Variants in AMZ1 observed in about 807,000 individuals in gnomAD.
AMZ1 encodes archaelysin family metallopeptidase 1.
AMZ1 carries 39 observed loss-of-function variants against 29.9 expected under a neutral mutation model. The ratio of observed to expected loss-of-function variants is 1.30; its 90% CI spans 1.01 to 1.70. The LOEUF (loss-of-function observed/expected upper bound fraction) is 1.70. AMZ1 is among the 40% of genes most tolerant of loss of function. AMZ1 has a pLI of 0.00. For synonymous variants in AMZ1, 458 were observed against 304.0 expected (o/e 1.51, Z -5.27); for missense variants, 1,041 against 680.6 (o/e 1.53, Z -5.89).
chr7:2,745,351 T>A, intron 4 of AMZ1, among the ~76,000 whole-genome samples: 1 of 151,974 alleles, frequency 6.6e-6, no homozygotes, highest in Non-Finnish European at 1.5e-5. Flanking sequence ...CAGAAGAGAG[T>A]GGGGGCCAAT....
chr7:2,737,289 G>GTTTT (rs11389467), intron 4 of AMZ1, among the ~76,000 whole-genome samples: 193 of 62,232 alleles, frequency 3.1e-3, no homozygotes, highest in Middle Eastern at 0.01. Flanking sequence ...TTTTTTTTTT[G>GTTTT]TTTTTTTTTT....
rs933535469 is a variant in AMZ1, at chr7:2,712,233, A to C, written c.949-97A>C. ...GACTCCCGCCCCTGGGTAACTGAGG[A>C]CGGTGGGGTCCCCTTAGGTAAGGAG... is the stretch of plus-strand genomic sequence containing the variant. On this transcript the variant is annotated intron_variant, in intron 6 of 6. Coordinates refer to ENST00000683327, the MANE Select transcript of AMZ1 (RefSeq NM_001384743.1). The C allele has an allele frequency of 8.3e-6, 11 of 1,321,366 alleles. 1 individual carries two copies. The African/African-American group carries it at 1.6e-4, about 20-fold the overall frequency. 81.9% of individuals were successfully genotyped at this position (1,321,366 alleles called of 1,614,324 possible). A position where few individuals can be genotyped will look rare whatever the true frequency, so the allele number is the denominator to read the frequency against.
chr7:2,704,254 G>A (rs1370095006), intron 3 of AMZ1, among the ~76,000 whole-genome samples: 1 of 152,188 alleles, frequency 6.6e-6, no homozygotes, highest in East Asian at 1.9e-4. Flanking sequence ...TGTAATCCCA[G>A]TACTTTGAGA....
chr7:2,680,402 C>T (rs1228608479), intron 1 of AMZ1, among the ~76,000 whole-genome samples: 1 of 152,128 alleles, frequency 6.6e-6, no homozygotes, highest in African/African-American at 2.4e-5. Context: ...CCCCGGGAGA[C>T]CCCGGATCCT....
At chr7:2,741,219 G>A (rs772142879) in intron 4 of AMZ1, among the ~76,000 whole-genome samples, 8 of 152,238 alleles carry the variant, frequency 5.3e-5, no homozygotes, top group East Asian at 1.9e-4. Flanking sequence ...TAGGTGTGGC[G>A]GCACGCACAC....
chr7:2,726,171 G>A (rs184876474), intron 4 of AMZ1, among the ~76,000 whole-genome samples: 98 of 152,340 alleles, frequency 6.4e-4, no homozygotes, highest in Non-Finnish European at 1.2e-3. Flanking sequence ...TGGAAAGGCT[G>A]CATGTGCGTG....
At chr7:2,729,334 G>A (rs1789767753) in intron 4 of AMZ1, 1 of 152,416 alleles carries the variant, frequency 6.6e-6, no homozygotes, top group Non-Finnish European at 1.5e-5. Flanking sequence ...CCCACCAGGA[G>A]CTCTCTTTCT....
chr7:2,749,337 AATG>A (rs1790913838), intron 4 of AMZ1, among the ~76,000 whole-genome samples: 1 of 152,252 alleles, frequency 6.6e-6, no homozygotes, highest in Admixed American at 6.5e-5. Context: ...AGCCATAAAA[AATG>A]ATGAGTTCTT....
intron 4 of AMZ1, among the ~76,000 whole-genome samples, chr7:2,744,187 C>G (rs1344568740): frequency 2.0e-5 from 3 of 152,224 alleles, no homozygotes; most frequent in Non-Finnish European, 4.4e-5. Context: ...TCTCCCAGCA[C>G]GCAGCTGGAG....
rs868219928 is a variant in AMZ1 at position 2,708,970 on chromosome 7, T to G, written c.602-105T>G. On this transcript the variant is annotated intron_variant, in intron 4 of 6. Coordinates refer to ENST00000683327, the MANE Select transcript of AMZ1 (RefSeq NM_001384743.1). Reference sequence around the variant, plus strand: ...AGGGCCTCCCAGGACTGGTATGTCTTTGGGCCATGGCCAGCTTGCATGAGA... The same window carrying G: ...AGGGCCTCCCAGGACTGGTATGTCTGTGGGCCATGGCCAGCTTGCATGAGA... 37 of 1,397,616 alleles carry G rather than the reference T, an allele frequency of 2.6e-5. No individual in the cohort carries two copies. In the Middle Eastern group the frequency reaches 5.5e-4, roughly 21 times the overall value. The allele number at this position is 1,397,616 out of a possible 1,614,324, so 86.6% of individuals were successfully genotyped here. A position where few individuals can be genotyped will look rare whatever the true frequency, so the allele number is the denominator to read the frequency against.
chr7:2,736,247 G>C (rs982357997), intron 4 of AMZ1, among the ~76,000 whole-genome samples: 1 of 152,210 alleles, frequency 6.6e-6, no homozygotes, highest in African/African-American at 2.4e-5. Flanking sequence ...GACGAGCCCA[G>C]AGTCCTCTCA....
chr7:2,724,797 C>T (rs1450471422), intron 4 of AMZ1, among the ~76,000 whole-genome samples: 4 of 152,194 alleles, frequency 2.6e-5, no homozygotes, highest in East Asian at 1.9e-4. Flanking sequence ...AGCAAATCAC[C>T]GTCAGCCACG....
At chr7:2,757,703 A>T (rs1791369904) in intron 4 of AMZ1, among the ~76,000 whole-genome samples, 1 of 152,178 alleles carries the variant, frequency 6.6e-6, no homozygotes, top group Admixed American at 6.6e-5. Flanking sequence ...AGCAACAAAA[A>T]ACCTTTAGTA....
chr7:2,682,569 G>T (rs1454812626), intron 1 of AMZ1, among the ~76,000 whole-genome samples: 4 of 152,160 alleles, frequency 2.6e-5, no homozygotes, highest in Non-Finnish European at 4.4e-5. Context: ...CAGTGCTGGG[G>T]TCAGGCCCCG....
At chr7:2,729,660 TC>T (rs1789789396) in intron 4 of AMZ1, 1 of 152,248 alleles carries the variant, frequency 6.6e-6, no homozygotes, top group East Asian at 1.9e-4. Flanking sequence ...GGCTCGGGGC[TC>T]GGGGCAGCAC....
chr7:2,700,038 A>G (rs1787958884), intron 1 of AMZ1, among the ~76,000 whole-genome samples, 196 bp from the exon 2 acceptor site: 2 of 150,126 alleles, frequency 1.3e-5, no homozygotes, highest in African/African-American at 4.9e-5. Flanking sequence ...GCTAGAGAAG[A>G]TGAAGTGGTT....
rs368802006 is a variant in AMZ1, at chr7:2,728,235, C to T, written n.550+18419C>T. The T allele has an allele frequency of 5.7e-4, 87 of 152,412 alleles. No homozygotes were observed. In the Middle Eastern group the frequency reaches 0.01, roughly 18 times the overall value. The allele number at this position is 152,412 out of a possible 1,614,324, so 9.4% of individuals were successfully genotyped here. A position where few individuals can be genotyped will look rare whatever the true frequency, so the allele number is the denominator to read the frequency against. On this transcript the variant is annotated intron_variant and non_coding_transcript_variant, in intron 4 of 4. Coordinates refer to the AMZ1 transcript ENST00000489665. ...AAGCTTACACCATGAACAACTGACC[C>T]GGACCACTACCATTCCAATGGGAGC...
rs1789336891 is a variant in AMZ1 at position 2,719,682 on chromosome 7, A to C, written c.*6804A>C. Among the ~76,000 whole-genome samples, 1 of 81,426 alleles carries C rather than the reference A, an allele frequency of 1.2e-5. No homozygotes were observed. Among genetic ancestry groups the C allele is most frequent in the East Asian group, 2.3e-4 (1 of 4,322 alleles). 53.4% of individuals were successfully genotyped at this position (81,426 alleles called of 152,430 possible). A position where few individuals can be genotyped will look rare whatever the true frequency, so the allele number is the denominator to read the frequency against. On this transcript the variant is annotated 3_prime_UTR_variant, in exon 7 of 7. Coordinates refer to ENST00000683327, the MANE Select transcript of AMZ1 (RefSeq NM_001384743.1). ...AAAATTAATAAATGCTATCAACCCC[A>C]ATTTTTTTTTTTTTTGAGATGGAGT... is the stretch of plus-strand genomic sequence containing the variant.
chr7:2,686,871 C>A (rs540186025), upstream of AMZ1, among the ~76,000 whole-genome samples: 1 of 152,022 alleles, frequency 6.6e-6, no homozygotes, highest in African/African-American at 2.4e-5. Flanking sequence ...CCAGCCACCA[C>A]GCCCAGCTAA....
Sources: allele counts gnomAD v4.1 joint callset (sites outside exome capture counted in the v4.1 genomes callset), GRCh38; gene constraint gnomAD v4.1.1; transcripts MANE v1.5; gene names NCBI Gene and HGNC (gene_info 2026-07-23, HGNC 2026-07-21).